The following CFAP99 variants were observed in gnomAD, a reference collection of about 807,000 sequenced individuals.
The protein encoded by CFAP99 is cilia- and flagella-associated protein 99.
Under a neutral mutation model 82.7 loss-of-function variants are expected in CFAP99, and 84 were observed. The ratio of observed to expected loss-of-function variants is 1.02; its 90% CI spans 0.85 to 1.22. CFAP99 has a LOEUF of 1.22. Among genes scored for constraint, CFAP99 ranks in the 50% most tolerant of loss-of-function variants. CFAP99 has a pLI of 0.00. For missense variants in CFAP99, 1,059 were observed against 983.5 expected (o/e 1.08, Z -1.03); for synonymous variants, 456 against 429.5 (o/e 1.06, Z -0.76).
intron 11 of CFAP99, among the ~76,000 whole-genome samples, chr4:2,454,193 A>G (rs893059794): frequency 2.0e-5 from 3 of 152,074 alleles, no homozygotes; most frequent in African/African-American, 4.8e-5. Flanking sequence ...AGTAGAGATG[A>G]GGTTTCACCA....
intron 1 of CFAP99, among the ~76,000 whole-genome samples, chr4:2,424,773 C>T (rs571062656): frequency 2.0e-3 from 310 of 152,336 alleles, no homozygotes; most frequent in Non-Finnish European, 2.9e-3. Context: ...CACCCCCAGC[C>T]GAGACTCCTC....
At chr4:2,460,348 C>A in intron 14 of CFAP99, 106 bp downstream of exon 14, 1 of 1,015,150 alleles carries the variant, frequency 9.9e-7, no homozygotes, top group Non-Finnish European at 1.5e-6. Context: ...CACCACCCTC[C>A]TGCCCAGGAA....
chr4:2,419,547 C>G (rs571729613), intron 1 of CFAP99, among the ~76,000 whole-genome samples: 2 of 152,320 alleles, frequency 1.3e-5, no homozygotes, highest in East Asian at 3.9e-4. Flanking sequence ...GCACCACCAC[C>G]ACGTCTCTGG....
Position 2,443,137 on chromosome 4 carries a change from G to A in CFAP99, c.359G>A (p.Arg120Lys), listed in dbSNP as rs765280926. The A allele has an allele frequency of 9.1e-6, 14 of 1,533,486 alleles. No individual in the cohort carries two copies. In the South Asian group the frequency reaches 1.4e-4, roughly 16 times the overall value. The allele number at this position is 1,533,486 out of a possible 1,614,324, so 95.0% of individuals were successfully genotyped here. ...AGCCCCCGTCCACCCCAGTTCCTCA[G>A]GTTCTTCTTCAACCCCCTGCACCTG... The change falls in exon 5 of 15, where the codon AGG (arginine) becomes AAG (lysine). Residue 120 changes from arginine (R) to lysine (K), a missense_variant. Physicochemically the swap from Arg to Lys is conservative, Grantham distance 26 (BLOSUM62 2). Coordinates refer to ENST00000635017, the Ensembl canonical transcript of CFAP99.
chr4:2,442,360 G>A (rs1211360562), intron 4 of CFAP99, among the ~76,000 whole-genome samples: 2 of 152,132 alleles, frequency 1.3e-5, no homozygotes, highest in African/African-American at 2.4e-5. Flanking sequence ...GGGAAAGGGG[G>A]TGGAAGCAGC....
intron 4 of CFAP99, among the ~76,000 whole-genome samples, chr4:2,442,005 GA>G (rs925100349): frequency 9.2e-5 from 14 of 152,124 alleles, no homozygotes; most frequent in Non-Finnish European, 2.9e-5. Flanking sequence ...GGCAGAGGGG[GA>G]GTCAGACCCA....
chr4:2,438,157 T>C, exon 4 of CFAP99: 1 of 1,534,558 alleles, frequency 6.5e-7, no homozygotes. Flanking sequence ...GTGGATAAGA[T>C]GTGCAAGGTG....
At chr4:2,449,477 C>T (rs1220177272) in intron 6 of CFAP99, among the ~76,000 whole-genome samples, 193 bp from the exon 7 acceptor site, 1 of 151,826 alleles carries the variant, frequency 6.6e-6, no homozygotes, top group Non-Finnish European at 1.5e-5. Flanking sequence ...CCAGCCTGAC[C>T]TCCTTCCCTT....
chr4:2,452,337 G>C (rs1215824328), exon 11 of CFAP99: 8 of 1,534,300 alleles, frequency 5.2e-6, no homozygotes, highest in Non-Finnish European at 7.0e-6. Flanking sequence ...TGGAGCAGCA[G>C]AAGGAGCAGG....
intron 6 of CFAP99, 40 bp downstream of exon 6, chr4:2,445,348 A>T: frequency 1.5e-6 from 2 of 1,291,368 alleles, no homozygotes; most frequent in African/African-American, 1.5e-5. Flanking sequence ...GCTTGCAGGC[A>T]TCAGGGTAGC....
At chr4:2,438,550 C>T (rs527689451) in intron 4 of CFAP99, among the ~76,000 whole-genome samples, 1 of 152,278 alleles carries the variant, frequency 6.6e-6, no homozygotes, top group African/African-American at 2.4e-5. Context: ...GCGTGAGCCA[C>T]CACGCCCGGC....
At chr4:2,441,324 G>C (rs1480728388) in intron 4 of CFAP99, among the ~76,000 whole-genome samples, 3 of 146,944 alleles carry the variant, frequency 2.0e-5, no homozygotes, top group Non-Finnish European at 4.4e-5. Flanking sequence ...AGTGAGCTGA[G>C]ATGGCGCCAT....
chr4:2,431,699 A>G (rs1528068), intron 2 of CFAP99, among the ~76,000 whole-genome samples: 3 of 151,862 alleles, frequency 2.0e-5, no homozygotes, highest in Admixed American at 2.0e-4. Flanking sequence ...GCGGGCAAAA[A>G]TTATTATCTT....
At chr4:2,437,066 T>C (rs1733931798) in intron 3 of CFAP99, 48 bp downstream of exon 3, 2 of 1,532,108 alleles carry the variant, frequency 1.3e-6, no homozygotes, top group Non-Finnish European at 1.7e-6. Context: ...GACGGTTCAC[T>C]CAGGCTCTCT....
intron 3 of CFAP99, 39 bp downstream of exon 3, chr4:2,437,057 ACGG>A: frequency 6.5e-7 from 1 of 1,534,594 alleles, no homozygotes; most frequent in South Asian, 1.2e-5. Flanking sequence ...GGCCGTAGAG[ACGG>A]TTCACTCAGG....
At chr4:2,437,627 G>A (rs1733946175) in intron 3 of CFAP99, among the ~76,000 whole-genome samples, 1 of 152,180 alleles carries the variant, frequency 6.6e-6, no homozygotes, top group East Asian at 1.9e-4. Flanking sequence ...CTAGGCTCCT[G>A]TCCCGACCCC....
chr4:2,426,804 G>A (rs919348104), intron 2 of CFAP99: 29 of 547,708 alleles, frequency 5.3e-5, no homozygotes, highest in African/African-American at 3.6e-4. Flanking sequence ...AGCCTTGGCC[G>A]GGACCCGGGA....
chr4:2,458,811 A>G (rs1185549549), exon 12 of CFAP99: 1 of 1,535,956 alleles, frequency 6.5e-7, no homozygotes, highest in Admixed American at 2.0e-5. Flanking sequence ...ATAGAGGGGC[A>G]GAAGAACGCC....
At chr4:2,441,188 C>T (rs1010183712) in intron 4 of CFAP99, among the ~76,000 whole-genome samples, 10 of 151,738 alleles carry the variant, frequency 6.6e-5, no homozygotes, top group South Asian at 6.2e-4. Flanking sequence ...CTGACCAACA[C>T]GGTGAAACCC....
Sources: gnomAD v4.1 joint callset for allele counts (sites outside exome capture counted in the v4.1 genomes callset) on GRCh38, gnomAD v4.1.1 for gene constraint, MANE v1.5 for transcripts, NCBI Gene and HGNC (gene_info 2026-07-23, HGNC 2026-07-21) for gene names.